MLIP: variants seen among roughly 807,000 people sequenced by gnomAD.
MLIP encodes muscular LMNA interacting protein.
In MLIP, 79 loss-of-function variants were observed where a neutral mutation model predicts 84.8. The ratio of observed to expected loss-of-function variants is 0.93; its 90% CI spans 0.78 to 1.12. The LOEUF (loss-of-function observed/expected upper bound fraction) is 1.12, where lower values mean the gene tolerates loss of function less well. MLIP is among the 50% of genes most tolerant of loss of function. MLIP has a pLI of 0.00. For missense variants in MLIP, 1,257 were observed against 1,160.6 expected, an observed-to-expected ratio of 1.08 and a Z score of -1.21; for synonymous variants, 504 against 463.0, an observed-to-expected ratio of 1.09 and a Z score of -1.14.
chr6:54,138,913 G>A, intron 4 of MLIP, among the ~76,000 whole-genome samples: 1 of 152,242 alleles, frequency 6.6e-6, no homozygotes, highest in South Asian at 2.1e-4. Context: ...GCATAAGAAG[G>A]GGTGGTGATT....
At chr6:54,078,124 C>T (rs552791811) in intron 1 of MLIP, among the ~76,000 whole-genome samples, 1 of 152,304 alleles carries the variant, frequency 6.6e-6, no homozygotes, top group South Asian at 2.1e-4. Flanking sequence ...AGGAGGTTCA[C>T]CTACTGCTTC....
intron 1 of MLIP, among the ~76,000 whole-genome samples, chr6:54,094,281 T>TA (rs5876356): frequency 0.75 from 110,650 of 148,440 alleles, 42,560 homozygotes; most frequent in East Asian, 0.88. Context: ...TGCTGTAAGA[T>TA]AAAAAAAAAA....
intron 12 of MLIP, among the ~76,000 whole-genome samples, chr6:54,235,736 T>G (rs768524901): frequency 6.6e-6 from 1 of 152,184 alleles, no homozygotes; most frequent in Non-Finnish European, 1.5e-5. Flanking sequence ...ATAATGTCAC[T>G]CAGTTGAGGA....
chr6:54,190,940 C>T (rs994350560), intron 10 of MLIP, among the ~76,000 whole-genome samples: 1 of 151,626 alleles, frequency 6.6e-6, no homozygotes, highest in African/African-American at 2.4e-5. Flanking sequence ...GGACTACAGG[C>T]GCCCGCCACC....
At chr6:54,142,915 C>CA (rs1238427391) in intron 4 of MLIP, among the ~76,000 whole-genome samples, 15 of 150,706 alleles carry the variant, frequency 1.0e-4, no homozygotes, top group African/African-American at 3.0e-4. Flanking sequence ...AAAACAACAA[C>CA]AACAAAAAAA....
chr6:54,089,077 C>T (rs904493528), intron 1 of MLIP, among the ~76,000 whole-genome samples: 11 of 152,194 alleles, frequency 7.2e-5, no homozygotes, highest in East Asian at 1.9e-4. Context: ...GTTCCTATAA[C>T]GACATACAAC....
rs566863873 is a variant in MLIP, at chr6:54,176,996, C to T, written c.2544+7424C>T. Among the ~76,000 whole-genome samples, 5 of 152,082 alleles carry T rather than the reference C, an allele frequency of 3.3e-5. No homozygotes were observed. In the East Asian group the frequency reaches 7.7e-4, roughly 24 times the overall value. ...AAAGGTGCTGGGAAAATTGGCTAGC[C>T]GTAAGCAGAAAATTGAAACTGGACC... On this transcript the variant is annotated intron_variant, in intron 9 of 13. Coordinates refer to ENST00000502396, the MANE Select transcript of MLIP (RefSeq NM_001281747.2).
At chr6:54,254,118 GT>G (rs895577526) in intron 12 of MLIP, among the ~76,000 whole-genome samples, 3 of 135,646 alleles carry the variant, frequency 2.2e-5, no homozygotes, top group Admixed American at 7.5e-5. Context: ...CGTAGAACTT[GT>G]TTTTTTGCTG....
chr6:54,090,989 C>G (rs9474731), intron 1 of MLIP, among the ~76,000 whole-genome samples: 1 of 152,130 alleles, frequency 6.6e-6, no homozygotes, highest in Non-Finnish European at 1.5e-5. Flanking sequence ...TTAATAATAT[C>G]GACATTTGGG....
intron 4 of MLIP, among the ~76,000 whole-genome samples, chr6:54,146,126 A>G (rs548073191): frequency 3.9e-5 from 6 of 152,326 alleles, no homozygotes; most frequent in African/African-American, 1.4e-4. Context: ...AATTATTAGT[A>G]AATGTTTTGA....
intron 1 of MLIP, among the ~76,000 whole-genome samples, chr6:54,082,572 T>C (rs1767231335): frequency 6.6e-6 from 1 of 152,206 alleles, no homozygotes; most frequent in Admixed American, 6.5e-5. Context: ...ATTCACCTTT[T>C]TTGGAATATT....
intron 11 of MLIP, among the ~76,000 whole-genome samples, chr6:54,208,083 G>A (rs572840712): frequency 6.6e-6 from 1 of 152,062 alleles, no homozygotes; most frequent in Non-Finnish European, 1.5e-5. Context: ...AGCTGAGATC[G>A]TGCCACTGCA....
intron 1 of MLIP, among the ~76,000 whole-genome samples, chr6:54,062,268 A>G (rs928867349): frequency 6.6e-6 from 1 of 152,110 alleles, no homozygotes; most frequent in Non-Finnish European, 1.5e-5. Context: ...TGTTCTTCCT[A>G]ACACATTTTC....
intron 1 of MLIP, among the ~76,000 whole-genome samples, chr6:54,058,419 A>C (rs1049147739): frequency 6.6e-6 from 1 of 152,280 alleles, no homozygotes; most frequent in South Asian, 2.1e-4. Flanking sequence ...CCACTTGATA[A>C]GCTGTGCACT....
chr6:54,236,075 C>G (rs924848514), intron 12 of MLIP, among the ~76,000 whole-genome samples: 5 of 152,186 alleles, frequency 3.3e-5, no homozygotes, highest in Non-Finnish European at 4.4e-5. Context: ...ACATATCTTT[C>G]TCTGTTCTGT....
At chr6:54,056,989 TA>T (rs1252488773) in intron 1 of MLIP, among the ~76,000 whole-genome samples, 4 of 152,168 alleles carry the variant, frequency 2.6e-5, no homozygotes, top group African/African-American at 9.6e-5. Flanking sequence ...GAAAATTGCT[TA>T]AAGGCATAGG....
intron 12 of MLIP, among the ~76,000 whole-genome samples, chr6:54,255,810 T>G (rs2150890069): frequency 6.6e-6 from 1 of 152,300 alleles, no homozygotes; most frequent in Non-Finnish European, 1.5e-5. Flanking sequence ...ATGATTCTTC[T>G]TTTCTGTTTT....
At chr6:54,264,597 A>G (rs1375030643) in intron 13 of MLIP, among the ~76,000 whole-genome samples, 1 of 152,142 alleles carries the variant, frequency 6.6e-6, no homozygotes, top group African/African-American at 2.4e-5. Flanking sequence ...AGTATTAGCC[A>G]AATGATGATC....
chr6:54,211,083 AC>A (rs1208429086), intron 11 of MLIP, among the ~76,000 whole-genome samples: 1 of 152,136 alleles, frequency 6.6e-6, no homozygotes, highest in Non-Finnish European at 1.5e-5. Flanking sequence ...TACTAAAAAT[AC>A]AAAAAATTAG....
Sources: gnomAD v4.1 joint callset for allele counts (sites outside exome capture counted in the v4.1 genomes callset) on GRCh38, gnomAD v4.1.1 for gene constraint, MANE v1.5 for transcripts, NCBI Gene and HGNC (gene_info 2026-07-23, HGNC 2026-07-21) for gene names.